Variants in SEPTIN10 observed in about 807,000 individuals in gnomAD.
The protein encoded by SEPTIN10 is septin-10.
In SEPTIN10, 66 loss-of-function variants were observed where a neutral mutation model predicts 54.8. The observed-to-expected ratio is 1.21, with a 90% CI of 0.99 to 1.48. The LOEUF is 1.48. SEPTIN10 is among the 40% of genes most tolerant of loss of function. SEPTIN10 has a pLI of 0.00. For synonymous variants in SEPTIN10, 161 were observed against 181.0 expected, an observed-to-expected ratio of 0.89 and a Z score of 0.89; for missense variants, 620 against 545.6, an observed-to-expected ratio of 1.14 and a Z score of -1.36.
At chr2:109,603,656 G>A (rs1387375281) in intron 1 of SEPTIN10, among the ~76,000 whole-genome samples, 1 of 152,154 alleles carries the variant, frequency 6.6e-6, no homozygotes, top group Non-Finnish European at 1.5e-5. Flanking sequence ...ACAATTGGGA[G>A]ACATACATAC....
At chr2:109,574,930 G>A (rs534446818) in intron 4 of SEPTIN10, among the ~76,000 whole-genome samples, 163 bp from the exon 5 acceptor site, 10 of 152,252 alleles carry the variant, frequency 6.6e-5, no homozygotes, top group African/African-American at 1.7e-4. Context: ...CAGAACATGC[G>A]CAAAAGCTAT....
Position 109,601,273 on chromosome 2 carries a change from G to A in SEPTIN10, c.31-8154C>T, listed in dbSNP as rs375426963. Among the ~76,000 whole-genome samples the A allele has an allele frequency of 1.9e-3, 282 of 152,352 alleles. 1 individual carries two copies. The South Asian group carries it at 0.022, about 12-fold the overall frequency. On this transcript the variant is annotated intron_variant, in intron 1 of 10. Transcript: ENST00000397712. ...GCTACCTAGGGGCTGCCAGCCACCAGTCATCTCATTAGCATACAAAAGACA... is the reference window on the plus strand; with the variant it reads ...GCTACCTAGGGGCTGCCAGCCACCAATCATCTCATTAGCATACAAAAGACA...
chr2:109,584,424 G>A (rs1338335037), intron 4 of SEPTIN10, among the ~76,000 whole-genome samples: 5 of 119,632 alleles, frequency 4.2e-5, no homozygotes, highest in African/African-American at 1.4e-4. Context: ...GCAGTGAGTC[G>A]AAATCATGCC....
At chr2:109,548,360 TCATGCAA>T (rs1431985738) in intron 9 of SEPTIN10, among the ~76,000 whole-genome samples, 5 of 152,152 alleles carry the variant, frequency 3.3e-5, no homozygotes, top group African/African-American at 1.2e-4. Flanking sequence ...AACCTGGCAT[TCATGCAA>T]ACAAAGCAGG....
chr2:109,562,893 G>A (rs1686032037), intron 8 of SEPTIN10, among the ~76,000 whole-genome samples: 2 of 151,862 alleles, frequency 1.3e-5, no homozygotes, highest in Admixed American at 1.3e-4. Context: ...GGTGAGGGTG[G>A]GTTAAGTACA....
intron 9 of SEPTIN10, 23 bp from the exon 10 acceptor site, chr2:109,546,260 C>T (rs1174582103): frequency 2.0e-6 from 3 of 1,483,406 alleles, no homozygotes; most frequent in Non-Finnish European, 2.7e-6. Flanking sequence ...GTGCAATCCC[C>T]ACTACTGACA....
At chr2:109,554,233 AT>A (rs1683811507) in intron 8 of SEPTIN10, among the ~76,000 whole-genome samples, 1 of 152,142 alleles carries the variant, frequency 6.6e-6, no homozygotes, top group Non-Finnish European at 1.5e-5. Flanking sequence ...CAAAGGGAAA[AT>A]TGTAAAGATC....
intron 10 of SEPTIN10, chr2:109,544,644 A>G: frequency 1.1e-6 from 1 of 925,892 alleles, no homozygotes; most frequent in Non-Finnish European, 1.3e-6. Context: ...ACACTGGGTT[A>G]AGATGAAAGG....
chr2:109,602,630 G>A lies in SEPTIN10; in HGVS notation c.31-9511C>T, dbSNP rs996571410. Reference sequence around the variant, plus strand: ...GCAGAGGTTGCAGTGAGCCGAGATCGCACCATTGCACTCCAGCCTGGGCAA... The same window carrying A: ...GCAGAGGTTGCAGTGAGCCGAGATCACACCATTGCACTCCAGCCTGGGCAA... On this transcript the variant is annotated intron_variant, in intron 1 of 10. Coordinates refer to ENST00000397712, the MANE Select transcript of SEPTIN10 (RefSeq NM_144710.5). Among the ~76,000 whole-genome samples, 8 of 148,270 alleles carry A rather than the reference G, an allele frequency of 5.4e-5. No individual in the cohort carries two copies. In the East Asian group the frequency reaches 6.0e-4, roughly 11 times the overall value.
chr2:109,557,433 GCA>G (rs2104931369), intron 8 of SEPTIN10, among the ~76,000 whole-genome samples: 1 of 152,248 alleles, frequency 6.6e-6, no homozygotes, highest in Non-Finnish European at 1.5e-5. Flanking sequence ...GAAAACTAAA[GCA>G]CAGAGAGTAA....
intron 1 of SEPTIN10, among the ~76,000 whole-genome samples, chr2:109,602,413 C>T (rs1364935042): frequency 3.9e-5 from 6 of 152,004 alleles, no homozygotes; most frequent in South Asian, 4.2e-4. Flanking sequence ...CGGTGGCTCA[C>T]GCCTGTAATG....
At chr2:109,581,062 C>T (rs755040437) in intron 4 of SEPTIN10, among the ~76,000 whole-genome samples, 2 of 152,252 alleles carry the variant, frequency 1.3e-5, no homozygotes, top group Admixed American at 6.5e-5. Flanking sequence ...CCCATGACTA[C>T]GGCCATTTCC....
chr2:109,607,252 C>A, intron 1 of SEPTIN10, among the ~76,000 whole-genome samples: 1 of 152,094 alleles, frequency 6.6e-6, no homozygotes, highest in Non-Finnish European at 1.5e-5. Context: ...TCCATAGAAA[C>A]AATATTACAA....
chr2:109,601,433 T>C (rs987367841), intron 1 of SEPTIN10, among the ~76,000 whole-genome samples: 1 of 152,252 alleles, frequency 6.6e-6, no homozygotes, highest in African/African-American at 2.4e-5. Flanking sequence ...ATTAACAATT[T>C]TTAAATTTCT....
At chr2:109,567,157 A>C (rs1687225577) in intron 6 of SEPTIN10, among the ~76,000 whole-genome samples, 1 of 152,172 alleles carries the variant, frequency 6.6e-6, no homozygotes, top group Non-Finnish European at 1.5e-5. Flanking sequence ...TTTATCCCTC[A>C]CAACAACCCT....
chr2:109,597,684 C>T (rs1391543832), intron 1 of SEPTIN10, among the ~76,000 whole-genome samples: 3 of 152,188 alleles, frequency 2.0e-5, no homozygotes, highest in Non-Finnish European at 4.4e-5. Flanking sequence ...AAGGAAAAAT[C>T]CCATACAGTA....
At chr2:109,603,754 T>G (rs1228414264) in intron 1 of SEPTIN10, among the ~76,000 whole-genome samples, 1 of 152,090 alleles carries the variant, frequency 6.6e-6, no homozygotes, top group East Asian at 1.9e-4. Flanking sequence ...GAGCAGAGAC[T>G]TGATGAAGAA....
rs747118357 is a variant in SEPTIN10 at position 109,613,806 on chromosome 2, G to A, written c.22C>T (p.Arg8Trp). The change falls in exon 1 of 11, where the codon CGG becomes TGG. Residue 8 changes from arginine to tryptophan, a missense_variant. Coordinates refer to ENST00000397712, the MANE Select transcript of SEPTIN10 (RefSeq NM_144710.5). ...GCGTCGGCGGGACTCACCAGGTGCCGCGCCACCTCGGAGGAGGCCATGGTC... is the reference window on the plus strand; with the variant it reads ...GCGTCGGCGGGACTCACCAGGTGCCACGCCACCTCGGAGGAGGCCATGGTC... MASSEVA[R>W]HLLFQSHMAT... 10 of 1,232,886 alleles carry A rather than the reference G, an allele frequency of 8.1e-6. No homozygotes were observed. The South Asian group carries it at 2.4e-4, about 29-fold the overall frequency. 76.4% of individuals were successfully genotyped at this position (1,232,886 alleles called of 1,614,324 possible).
chr2:109,613,369 GC>G, intron 1 of SEPTIN10: 1 of 338,474 alleles, frequency 3.0e-6, no homozygotes, highest in Non-Finnish European at 5.7e-6. Context: ...CTTTTGAAAA[GC>G]CAGGGGAGCC....
Sources: gnomAD v4.1 joint callset for allele counts (sites outside exome capture counted in the v4.1 genomes callset) on GRCh38, gnomAD v4.1.1 for gene constraint, MANE v1.5 for transcripts, NCBI Gene and HGNC (gene_info 2026-07-23, HGNC 2026-07-21) for gene names.